ONECUT1: variants seen among roughly 807,000 people sequenced by gnomAD.
ONECUT1 encodes hepatocyte nuclear factor 6.
A neutral mutation model predicts 25.6 loss-of-function variants in ONECUT1; 12 were observed. The observed-to-expected ratio is 0.47, with a 90% CI of 0.30 to 0.76. The LOEUF (loss-of-function observed/expected upper bound fraction) is 0.76, where lower values mean the gene tolerates loss of function less well. Ranked by LOEUF, ONECUT1 falls within the 30% of genes least tolerant of loss-of-function variation. The pLI is 0.07. For synonymous variants in ONECUT1, 285 were observed against 270.2 expected (o/e 1.05, Z -0.54); for missense variants, 620 against 651.2 (o/e 0.95, Z 0.52).
chr15:52,761,332 T>A (rs1566988620), intron 1 of ONECUT1, among the ~76,000 whole-genome samples: 1 of 152,192 alleles, frequency 6.6e-6, no homozygotes, highest in Non-Finnish European at 1.5e-5. Context: ...TCTCAGAAAC[T>A]CATAATCTGC....
Position 52,788,790 on chromosome 15 carries a change from G to A in ONECUT1, c.1095C>T (p.Leu365=). The change falls in exon 1 of 2, where the codon CTC becomes CTT. Residue 365 remains leucine, a synonymous_variant. Transcript: ENST00000305901. This position sits in a 1 kb window ranked among gnomAD's most constrained non-coding sequence, Gnocchi z 4.3. ...QEPEFQRMSA[L]RLAACKRKEQ... ...CCTTGGCCGGCTCACCTGCTAAGCG[G>A]AGCGCGGACATGCGCTGGAACTCCG... 6.2e-7 allele frequency: 1 copy of A among 1,610,584 alleles called. No homozygotes were observed. The highest frequency in any genetic ancestry group is 1.1e-5 in the South Asian group (1 of 90,846).
chr15:52,757,553 C>T lies in ONECUT1; in HGVS notation c.*2G>A. On this transcript the variant is annotated 3_prime_UTR_variant, in exon 2 of 2. Transcript: ENST00000305901. ...CCGAGGTTTTAGTTTGTGGTTCTTC[C>T]TTCATGCTTTGGTACAAGTGCTTGA... The T allele has an allele frequency of 1.2e-6, 2 of 1,602,798 alleles. No individual in the cohort carries two copies. Among genetic ancestry groups the T allele is most frequent in the Non-Finnish European group, 1.7e-6 (2 of 1,174,276 alleles).
intron 1 of ONECUT1, among the ~76,000 whole-genome samples, chr15:52,782,189 A>G (rs976227399): frequency 5.3e-5 from 8 of 152,196 alleles, no homozygotes; most frequent in Non-Finnish European, 1.0e-4. Flanking sequence ...TAAGAAAAGA[A>G]AATTTCTAGA....
rs749675823 is a variant in ONECUT1 at position 52,788,858 on chromosome 15, C to T, written c.1027G>A (p.Gly343Ser). Residue 343 changes from glycine (G) to serine (S), a missense_variant, in exon 1 of 2, where the codon GGC (glycine) becomes AGC (serine). Physicochemically the swap from Gly to Ser is moderately conservative, Grantham distance 56 (BLOSUM62 0). This residue lies in a region of ONECUT1 where 146 missense variants were observed against 201.8 expected (regional missense o/e 0.72). Coordinates refer to ENST00000305901, the MANE Select transcript of ONECUT1 (RefSeq NM_004498.4). This position sits in a 1 kb window ranked among gnomAD's most constrained non-coding sequence, Gnocchi z 4.3. Reference sequence around the variant, plus strand: ...CACATCCTCCGGAAGGTCTCCCGGCCGGATTTGAGTTTGCTCCAGGGTTTG... The same window carrying T: ...CACATCCTCCGGAAGGTCTCCCGGCTGGATTTGAGTTTGCTCCAGGGTTTG... ...NPKPWSKLKS[G>S]RETFRRMWKW... 6.2e-7 allele frequency: 1 copy of T among 1,614,140 alleles called. No individual in the cohort carries two copies. Among genetic ancestry groups the T allele is most frequent in the East Asian group, 2.2e-5 (1 of 44,884 alleles).
At position 52,756,191 on chromosome 15, in the gene ONECUT1, T is replaced by A. The variant is rs1160687671; in HGVS notation, c.*1364A>T. ...TTCTCAGTTGCACCTGCTGTTTTGT[T>A]GACGTCCAAGTCATAAAATTTCTGG... is the stretch of plus-strand genomic sequence containing the variant. On this transcript the variant is annotated 3_prime_UTR_variant, in exon 2 of 2. Transcript: ENST00000305901. Among the ~76,000 whole-genome samples, 2 of 152,214 alleles carry A rather than the reference T, an allele frequency of 1.3e-5. No homozygotes were observed. Among genetic ancestry groups the A allele is most frequent in the Non-Finnish European group, 2.9e-5 (2 of 68,026 alleles).
intron 1 of ONECUT1, among the ~76,000 whole-genome samples, chr15:52,787,533 G>T (rs1047524554): frequency 4.0e-5 from 6 of 151,758 alleles, no homozygotes; most frequent in Non-Finnish European, 8.8e-5. Context: ...AATTAATGGA[G>T]AACGATCAGT....
At chr15:52,779,922 TCA>T (rs2141460069) in intron 1 of ONECUT1, among the ~76,000 whole-genome samples, 1 of 152,280 alleles carries the variant, frequency 6.6e-6, no homozygotes, top group South Asian at 2.1e-4. Context: ...TCTCCATCCA[TCA>T]GACAGTAAAT....
chr15:52,774,122 T>TACACACAC (rs35891922), intron 1 of ONECUT1, among the ~76,000 whole-genome samples: 2,667 of 137,720 alleles, frequency 0.019, 31 homozygotes, highest in African/African-American at 0.034. Context: ...ATTGGAAGGA[T>TACACACAC]ACACACACAC....
rs764415210 is a variant in ONECUT1 at position 52,757,737 on chromosome 15, C to T, written c.1216G>A (p.Glu406Lys). Residue 406 changes from glutamate (E) to lysine (K), a missense_variant, in exon 2 of 2, where the codon GAA becomes AAA. Physicochemically the swap from Glu to Lys is moderately conservative, Grantham distance 56. This residue lies in a region of ONECUT1 where 146 missense variants were observed against 201.8 expected (regional missense o/e 0.72). Transcript: ENST00000305901. ...QRRTLHAIFK[E>K]NKRPSKELQI... ...AATTCTTTGGATGGACGCTTATTTT[C>T]CTTGAATATTGCATGTAGAGTTCGA... 6.2e-7 allele frequency: 1 copy of T among 1,614,032 alleles called. No homozygotes were observed. The highest frequency in any genetic ancestry group is 1.3e-5 in the African/African-American group (1 of 74,898).
rs1178769950 is a variant in ONECUT1 at position 52,790,218 on chromosome 15, C to T, written c.-334G>A. On this transcript the variant is annotated 5_prime_UTR_variant, in exon 1 of 2. Transcript: ENST00000305901. ...CAGCCCGCCCGCCTCGGCCACCTCT[C>T]GCCCCTCTCTTTCTTAAAATTCTGA... is the stretch of plus-strand genomic sequence containing the variant. Among the ~76,000 whole-genome samples, 1 of 151,434 alleles carries T rather than the reference C, an allele frequency of 6.6e-6. No individual in the cohort carries two copies. Among genetic ancestry groups the T allele is most frequent in the African/African-American group, 2.4e-5 (1 of 41,296 alleles).
intron 1 of ONECUT1, among the ~76,000 whole-genome samples, chr15:52,783,678 G>T (rs183636126): frequency 2.0e-5 from 3 of 152,356 alleles, no homozygotes; most frequent in African/African-American, 4.8e-5. Context: ...CCGCCAATCC[G>T]CCGGGTATTA....
At chr15:52,772,221 C>T (rs997254096) in intron 1 of ONECUT1, among the ~76,000 whole-genome samples, 1 of 151,884 alleles carries the variant, frequency 6.6e-6, no homozygotes, top group Non-Finnish European at 1.5e-5. Context: ...AGTGAAACCC[C>T]GTCTCTACTA....
intron 1 of ONECUT1, among the ~76,000 whole-genome samples, chr15:52,764,921 C>T (rs2083725532): frequency 6.6e-6 from 1 of 152,186 alleles, no homozygotes; most frequent in Non-Finnish European, 1.5e-5. Context: ...GCCCTCAGCC[C>T]CTTTGCTGCT....
At chr15:52,767,219 C>T (rs1285804442) in intron 1 of ONECUT1, among the ~76,000 whole-genome samples, 1 of 152,110 alleles carries the variant, frequency 6.6e-6, no homozygotes, top group Non-Finnish European at 1.5e-5. Flanking sequence ...TCGGGAGGTA[C>T]ACCTCCCGCT....
chr15:52,790,061 G>C lies in ONECUT1; in HGVS notation c.-177C>G, dbSNP rs2083910497. The stretch of plus-strand genomic sequence containing the variant: ...TCCGTGTGTGTGTGTCCGTGTGTGC[G>C]TGTGCGTGTGTGTGTGTGTGTGTGT... On this transcript the variant is annotated 5_prime_UTR_variant, in exon 1 of 2. Transcript: ENST00000305901. 5 of 924,116 alleles carry C rather than the reference G, an allele frequency of 5.4e-6. No individual in the cohort carries two copies. The highest frequency in any genetic ancestry group is 3.5e-4 in the Middle Eastern group (1 of 2,846). 57.2% of individuals were successfully genotyped at this position (924,116 alleles called of 1,614,324 possible). A position where few individuals can be genotyped will look rare whatever the true frequency, so the allele number is the denominator to read the frequency against.
intron 1 of ONECUT1, among the ~76,000 whole-genome samples, chr15:52,783,628 C>T (rs2083855071): frequency 6.6e-6 from 1 of 152,300 alleles, no homozygotes; most frequent in Admixed American, 6.5e-5. Context: ...CTCCTGACTC[C>T]GGTCAGTTTG....
intron 1 of ONECUT1, among the ~76,000 whole-genome samples, chr15:52,777,208 AG>A (rs2083806556): frequency 6.6e-6 from 1 of 152,246 alleles, no homozygotes; most frequent in Non-Finnish European, 1.5e-5. Context: ...AGTAAGCTAC[AG>A]AGCTATAGGT....
chr15:52,776,025 G>T (rs2083797767), intron 1 of ONECUT1, among the ~76,000 whole-genome samples: 1 of 152,186 alleles, frequency 6.6e-6, no homozygotes, highest in Non-Finnish European at 1.5e-5. Flanking sequence ...TGTACCCAGG[G>T]AAGTGGCTGG....
chr15:52,783,876 G>T (rs577684756), intron 1 of ONECUT1, among the ~76,000 whole-genome samples: 31 of 152,186 alleles, frequency 2.0e-4, no homozygotes, highest in African/African-American at 7.5e-4. Context: ...TTCATGAATT[G>T]GGTAACACCC....
Sources: allele counts gnomAD v4.1 joint callset (sites outside exome capture counted in the v4.1 genomes callset), GRCh38; gene constraint gnomAD v4.1.1; regional missense constraint gnomAD v4.1.1; non-coding constraint Gnocchi (gnomAD v3.1); transcripts MANE v1.5; gene names NCBI Gene and HGNC (gene_info 2026-07-23, HGNC 2026-07-21).